SCNN1A: variants seen among roughly 807,000 people sequenced by gnomAD.
SCNN1A encodes epithelial sodium channel subunit alpha.
Under a neutral mutation model 68.6 loss-of-function variants are expected in SCNN1A, and 65 were observed. The observed-to-expected ratio is 0.95, with a 90% CI of 0.78 to 1.16. SCNN1A has a LOEUF of 1.16. SCNN1A is among the 50% of genes most tolerant of loss of function. The pLI is 0.00. For synonymous variants in SCNN1A, 357 were observed against 353.3 expected (o/e 1.01, Z -0.12); for missense variants, 880 against 865.9 (o/e 1.02, Z -0.20).
At chr12:6,355,720 A>G in intron 5 of SCNN1A, 57 bp downstream of exon 5, 1 of 1,216,822 alleles carries the variant, frequency 8.2e-7, no homozygotes, top group Non-Finnish European at 1.2e-6. Context: ...GCTCAAGGTA[A>G]GTACAGGTGA....
intron 2 of SCNN1A, among the ~76,000 whole-genome samples, chr12:6,369,356 A>T (rs914141578): frequency 4.9e-5 from 6 of 121,986 alleles, no homozygotes; most frequent in Non-Finnish European, 3.6e-5. Flanking sequence ...CCCTCCTGCC[A>T]CCCTACGCGC....
chr12:6,363,823 C>T, intron 2 of SCNN1A, 113 bp from the exon 3 acceptor site: 6 of 1,067,610 alleles, frequency 5.6e-6, no homozygotes, highest in South Asian at 1.8e-5. Context: ...CCCGGAGAAG[C>T]CTGGGCGGGG....
chr12:6,349,552 G>C (rs1316758399), intron 8 of SCNN1A, 147 bp from the exon 9 acceptor site: 1 of 701,872 alleles, frequency 1.4e-6, no homozygotes, highest in Non-Finnish European at 2.6e-6. Context: ...GCAGTACCAA[G>C]AAGCGTTTAA....
intron 3 of SCNN1A, among the ~76,000 whole-genome samples, chr12:6,362,478 A>G (rs1421327883): frequency 6.6e-6 from 1 of 152,018 alleles, no homozygotes; most frequent in East Asian, 1.9e-4. Flanking sequence ...CTGCACACAC[A>G]CGGTTTTGGT....
At position 6,363,588 on chromosome 12, in the gene SCNN1A, A is replaced by T; in HGVS notation, c.539T>A (p.Leu180Gln). The T allele has an allele frequency of 6.2e-7, 1 of 1,612,186 alleles. No homozygotes were observed. Among genetic ancestry groups the T allele is most frequent in the Non-Finnish European group, 8.5e-7 (1 of 1,179,204 alleles). Residue 180 changes from leucine (L) to glutamine (Q), a missense_variant, in exon 3 of 13, where the codon CTG becomes CAG. Physicochemically the swap from Leu to Gln is moderately radical, Grantham distance 113. Transcript: ENST00000228916. Reference protein sequence around the residue: ...LVAGSRSRRDLRGTLPHPLQR... With the variant: ...LVAGSRSRRDQRGTLPHPLQR... The stretch of plus-strand genomic sequence containing the variant: ...CAAGGGGTGCGGCAGAGTCCCCCGC[A>T]GGTCGCGACGGCTGCGGGAGCCGGC...
chr12:6,376,181 T>A (rs1213305171), upstream of SCNN1A: 2 of 985,116 alleles, frequency 2.0e-6, no homozygotes, highest in East Asian at 1.1e-4. Flanking sequence ...GCTCACTAAG[T>A]GGGAGCAGCG....
chr12:6,350,323 T>G (rs1423260591), intron 8 of SCNN1A, among the ~76,000 whole-genome samples: 3 of 150,734 alleles, frequency 2.0e-5, no homozygotes, highest in Admixed American at 2.0e-4. Context: ...TCCCAGCTAC[T>G]CGGGAGGCTG....
chr12:6,365,331 T>G (rs1245013171), intron 2 of SCNN1A, among the ~76,000 whole-genome samples: 1 of 152,180 alleles, frequency 6.6e-6, no homozygotes, highest in Non-Finnish European at 1.5e-5. Flanking sequence ...CCAGCAGGTA[T>G]TTTTAAAGAA....
At position 6,348,121 on chromosome 12, in the gene SCNN1A, A is replaced by C. The variant is rs760600959; in HGVS notation, c.1762T>G (p.Phe588Val). The part of the protein sequence containing the change: ...VIMFLMLLRR[F>V]RSRYWSPGRG... ...CCTGGAGACCAGTATCGGCTTCGGAACCTTCGGAGCAGCATGAGGAACATG... is the reference window on the plus strand; with the variant it reads ...CCTGGAGACCAGTATCGGCTTCGGACCCTTCGGAGCAGCATGAGGAACATG... The change falls in exon 13 of 13, where the codon TTC (phenylalanine) becomes GTC (valine). Residue 588 changes from phenylalanine to valine, a missense_variant. This residue lies in a region of SCNN1A where 758 missense variants were observed against 721.8 expected (regional missense o/e 1.05). Coordinates refer to ENST00000228916, the MANE Select transcript of SCNN1A (RefSeq NM_001038.6). The C allele has an allele frequency of 3.1e-6, 5 of 1,614,078 alleles. No individual in the cohort carries two copies. The Admixed American group carries it at 6.7e-5, about 22-fold the overall frequency.
chr12:6,366,146 G>A (rs970117580), intron 2 of SCNN1A, among the ~76,000 whole-genome samples: 2 of 152,004 alleles, frequency 1.3e-5, no homozygotes, highest in Non-Finnish European at 2.9e-5. Flanking sequence ...GAGCCACCAC[G>A]CCCAGCCGAA....
intron 4 of SCNN1A, among the ~76,000 whole-genome samples, chr12:6,357,850 T>C (rs1948523306): frequency 6.6e-6 from 1 of 152,124 alleles, no homozygotes; most frequent in Non-Finnish European, 1.5e-5. Context: ...AATACAAAAT[T>C]AGCCGGGCAC....
At chr12:6,349,517 G>C in intron 8 of SCNN1A, 112 bp from the exon 9 acceptor site, 1 of 765,254 alleles carries the variant, frequency 1.3e-6, no homozygotes. Context: ...GCATTATTTA[G>C]CATTATAATG....
chr12:6,375,005 C>T, intron 1 of SCNN1A, 168 bp from the exon 2 acceptor site: 1 of 1,548,224 alleles, frequency 6.5e-7, no homozygotes, highest in African/African-American at 1.4e-5. Context: ...CTCCCTCCTC[C>T]ACCTTTCCTG....
chr12:6,369,340 G>GCGCCTCCCTCCTGC (rs1948741437), intron 2 of SCNN1A, among the ~76,000 whole-genome samples: 1 of 142,964 alleles, frequency 7.0e-6, no homozygotes, highest in Non-Finnish European at 1.5e-5. Flanking sequence ...GCCACCCTAC[G>GCGCCTCCCTCCTGC]CACCTCCCTC....
intron 2 of SCNN1A, among the ~76,000 whole-genome samples, chr12:6,370,649 GCA>G (rs1948773219): frequency 6.6e-6 from 1 of 152,200 alleles, no homozygotes; most frequent in African/African-American, 2.4e-5. Flanking sequence ...GCCCTGCTGA[GCA>G]CAGCCTGGTG....
intron 2 of SCNN1A, among the ~76,000 whole-genome samples, chr12:6,373,270 C>G (rs1044409608): frequency 6.6e-6 from 1 of 152,160 alleles, no homozygotes; most frequent in African/African-American, 2.4e-5. Flanking sequence ...CGCACACATA[C>G]CAATATGTGC....
At chr12:6,368,774 C>A (rs7981003) in intron 2 of SCNN1A, among the ~76,000 whole-genome samples, 144 of 152,328 alleles carry the variant, frequency 9.5e-4, no homozygotes, top group Non-Finnish European at 1.7e-3. Flanking sequence ...CAAGCCAGAA[C>A]CTCTCTGAGA....
chr12:6,369,833 CAAAAAAAA>C (rs397850777), intron 2 of SCNN1A, among the ~76,000 whole-genome samples: 13 of 93,630 alleles, frequency 1.4e-4, no homozygotes, highest in African/African-American at 5.0e-4. Context: ...GACTCTGTCT[CAAAAAAAA>C]AAAAAAAAAA....
chr12:6,363,049 T>C (rs1405422523), intron 3 of SCNN1A, among the ~76,000 whole-genome samples: 1 of 101,408 alleles, frequency 9.9e-6, no homozygotes, highest in African/African-American at 3.8e-5. Flanking sequence ...TCCATCACGC[T>C]GGAGGGTCCT....
Sources: gnomAD v4.1 joint callset for allele counts (sites outside exome capture counted in the v4.1 genomes callset) on GRCh38, gnomAD v4.1.1 for gene constraint, gnomAD v4.1.1 regional missense constraint, MANE v1.5 for transcripts, NCBI Gene and HGNC (gene_info 2026-07-23, HGNC 2026-07-21) for gene names.